PITPNM3: variants seen among roughly 807,000 people sequenced by gnomAD.
PITPNM3 encodes the protein PITPNM family member 3.
In PITPNM3, 26 loss-of-function variants were observed where a neutral mutation model predicts 102.0. The observed-to-expected ratio is 0.25, with a 90% CI of 0.19 to 0.35. The LOEUF (loss-of-function observed/expected upper bound fraction) is 0.35. Among genes scored for constraint, PITPNM3 ranks in the 10% least tolerant of loss-of-function variants. The probability of loss-of-function intolerance (pLI) is 1.00; values close to 1 mark genes in which losing one functional copy is unlikely to be tolerated. For synonymous variants in PITPNM3, 578 were observed against 558.6 expected (o/e 1.03, Z -0.49); for missense variants, 1,083 against 1,346.1 (o/e 0.80, Z 3.06).
intron 1 of PITPNM3, among the ~76,000 whole-genome samples, chr17:6,538,550 G>A (rs563473649): frequency 2.0e-5 from 3 of 152,298 alleles, no homozygotes; most frequent in African/African-American, 7.2e-5. Flanking sequence ...TCAAGTTCTG[G>A]CCAAGCAGGG....
chr17:6,457,887 C>G lies in PITPNM3; in HGVS notation c.2491-165G>C, dbSNP rs994085847. Reference sequence around the variant, plus strand: ...TGTCAGGAATGAACCCTCAGAGTGGCTGCCCCTCCCTGCACCCCAGGCCCA... The same window carrying G: ...TGTCAGGAATGAACCCTCAGAGTGGGTGCCCCTCCCTGCACCCCAGGCCCA... On this transcript the variant is annotated intron_variant, in intron 18 of 19. Transcript: ENST00000262483. This position sits in a 1 kb window ranked among gnomAD's most constrained non-coding sequence, Gnocchi z 4.7. Among the ~76,000 whole-genome samples the G allele has an allele frequency of 6.6e-6, 1 of 151,778 alleles. No homozygotes were observed. Among genetic ancestry groups the G allele is most frequent in the African/African-American group, 2.4e-5 (1 of 41,300 alleles).
chr17:6,466,094 C>T (rs1218988739), intron 14 of PITPNM3, among the ~76,000 whole-genome samples: 1 of 152,214 alleles, frequency 6.6e-6, no homozygotes, highest in Non-Finnish European at 1.5e-5. Flanking sequence ...GCTCCCCATC[C>T]ACACCTTCTG....
intron 3 of PITPNM3, among the ~76,000 whole-genome samples, chr17:6,509,468 C>T (rs540856230): frequency 6.6e-6 from 1 of 152,208 alleles, no homozygotes; most frequent in South Asian, 2.1e-4. Flanking sequence ...TCAGGAACAG[C>T]CCCTCTGGAG....
chr17:6,553,286 C>A (rs760762074), intron 1 of PITPNM3, among the ~76,000 whole-genome samples: 49 of 152,132 alleles, frequency 3.2e-4, no homozygotes, highest in Non-Finnish European at 6.6e-4. Context: ...ATAAATGATG[C>A]CTTTCTGTGT....
In PITPNM3 at chr17:6,468,468, T is replaced by G. The variant is rs1904898877; in HGVS notation, c.1774-127A>C. ...CCTGCAACCCCCCAACCTCACAGCC[T>G]GGAACCGTCAGGAGGCCGCAGACCC... On this transcript the variant is annotated intron_variant, in intron 13 of 19. Transcript: ENST00000262483. The surrounding 1 kb of genome is among the most constrained non-coding windows in gnomAD (Gnocchi z 5.2). The G allele has an allele frequency of 2.1e-6, 2 of 935,470 alleles. No homozygotes were observed. Among genetic ancestry groups the G allele is most frequent in the East Asian group, 4.9e-5 (2 of 41,160 alleles). The allele number at this position is 935,470 out of a possible 1,614,324, so 57.9% of individuals were successfully genotyped here. A position where few individuals can be genotyped will look rare whatever the true frequency, so the allele number is the denominator to read the frequency against.
chr17:6,462,008 G>A (rs1904485961), intron 17 of PITPNM3, among the ~76,000 whole-genome samples: 2 of 150,768 alleles, frequency 1.3e-5, no homozygotes, highest in African/African-American at 4.9e-5. Context: ...AGCCTCCTGG[G>A]CGGCCTCTTT....
At chr17:6,486,181 C>G (rs1360574500) in intron 4 of PITPNM3, among the ~76,000 whole-genome samples, 1 of 152,188 alleles carries the variant, frequency 6.6e-6, no homozygotes, top group Non-Finnish European at 1.5e-5. Context: ...CCTTCCTCCC[C>G]CATGAGATGG....
At chr17:6,515,004 T>C (rs9913974) in intron 3 of PITPNM3, among the ~76,000 whole-genome samples, 105,369 of 152,030 alleles carry the variant, frequency 0.69, 36,743 homozygotes, top group African/African-American at 0.74. Context: ...CAAAAGGCTA[T>C]ATATTGTTTG....
intron 4 of PITPNM3, among the ~76,000 whole-genome samples, chr17:6,489,695 G>A (rs1906325485): frequency 1.3e-5 from 2 of 152,240 alleles, no homozygotes; most frequent in East Asian, 3.9e-4. Flanking sequence ...TTTCAGTCAA[G>A]CTCATTCCCC....
intron 9 of PITPNM3, among the ~76,000 whole-genome samples, chr17:6,475,937 C>T (rs1567667004): frequency 6.6e-6 from 1 of 152,188 alleles, no homozygotes. Context: ...ATTCTTCCTC[C>T]AGGAATCCAT....
At chr17:6,489,748 G>A (rs953908178) in intron 4 of PITPNM3, among the ~76,000 whole-genome samples, 1 of 152,186 alleles carries the variant, frequency 6.6e-6, no homozygotes, top group Admixed American at 6.5e-5. Context: ...GCTCACGCCT[G>A]TAGTCCCAGC....
chr17:6,524,103 T>A (rs938765018), intron 3 of PITPNM3, among the ~76,000 whole-genome samples: 2 of 152,138 alleles, frequency 1.3e-5, no homozygotes, highest in Non-Finnish European at 2.9e-5. Flanking sequence ...AGGAGAGCTC[T>A]GAACCAAGGA....
chr17:6,483,837 A>AT lies in PITPNM3; in HGVS notation c.352-86dup. 4 of 1,140,674 alleles carry AT rather than the reference A, an allele frequency of 3.5e-6. No homozygotes were observed. The South Asian group carries it at 5.0e-5, about 14-fold the overall frequency. The allele number at this position is 1,140,674 out of a possible 1,614,324, so 70.7% of individuals were successfully genotyped here. A position where few individuals can be genotyped will look rare whatever the true frequency, so the allele number is the denominator to read the frequency against. On this transcript the variant is annotated intron_variant, in intron 5 of 19. Coordinates refer to ENST00000262483, the MANE Select transcript of PITPNM3 (RefSeq NM_031220.4). Reference sequence around the variant, plus strand: ...CAGGGACACACACACACATGTGCGCATACACACACACTCACACACACGCAC... The same window carrying AT: ...CAGGGACACACACACACATGTGCGCATTACACACACACTCACACACACGCAC...
chr17:6,484,285 C>T lies in PITPNM3; in HGVS notation c.282G>A (p.Leu94=). The T allele has an allele frequency of 1.2e-6, 2 of 1,606,286 alleles. No homozygotes were observed. The highest frequency in any genetic ancestry group is 1.7e-6 in the Non-Finnish European group (2 of 1,172,940). Residue 94 remains leucine, a synonymous_variant, in exon 5 of 20, where the codon CTG becomes CTA. Coordinates refer to ENST00000262483, the MANE Select transcript of PITPNM3 (RefSeq NM_031220.4). ...SSILQEKQRE[L]YRVSLRRQRF... is the part of the protein sequence containing the mutation. ...TCTGTCTTCTCAAGGAAACCCGGTA[C>T]AGTTCTCCTGCAGAGGGAAAGAGGG...
chr17:6,528,293 C>T (rs1053295558), intron 2 of PITPNM3, among the ~76,000 whole-genome samples: 10 of 152,180 alleles, frequency 6.6e-5, no homozygotes, highest in Non-Finnish European at 1.5e-4. Flanking sequence ...TGGGTCTCAT[C>T]TTATCAGGCT....
chr17:6,475,159 G>A (rs1279413521), intron 9 of PITPNM3, among the ~76,000 whole-genome samples: 1 of 152,164 alleles, frequency 6.6e-6, no homozygotes, highest in East Asian at 1.9e-4. Context: ...CGTAATTCCT[G>A]TTCCAGGCAA....
intron 6 of PITPNM3, 117 bp downstream of exon 6, chr17:6,483,400 C>A (rs1372279191): frequency 2.0e-6 from 2 of 983,726 alleles, no homozygotes; most frequent in Admixed American, 2.0e-5. Flanking sequence ...CGATCTGACA[C>A]CCCAGAGAGT....
intron 4 of PITPNM3, among the ~76,000 whole-genome samples, chr17:6,495,635 G>A (rs566834595): frequency 9.5e-4 from 144 of 152,250 alleles, no homozygotes; most frequent in African/African-American, 3.3e-3. Context: ...GCTCACCGCT[G>A]TGGACGAAGG....
chr17:6,471,029 C>T, intron 12 of PITPNM3, 132 bp downstream of exon 12: 1 of 1,069,720 alleles, frequency 9.3e-7, no homozygotes, highest in Non-Finnish European at 1.4e-6. Context: ...AGAAGCAAGC[C>T]CCCAGGACTT....
Sources: allele counts gnomAD v4.1 joint callset (sites outside exome capture counted in the v4.1 genomes callset), GRCh38; gene constraint gnomAD v4.1.1; non-coding constraint Gnocchi (gnomAD v3.1); transcripts MANE v1.5; gene names NCBI Gene and HGNC (gene_info 2026-07-23, HGNC 2026-07-21).